ATAD2B: variants seen among roughly 807,000 people sequenced by gnomAD.
ATAD2B encodes the protein ATPase family AAA domain containing 2B.
Under a neutral mutation model 167.6 loss-of-function variants are expected in ATAD2B, and 40 were observed. That is an observed-to-expected ratio of 0.24 (90% CI 0.19 to 0.31). The LOEUF (loss-of-function observed/expected upper bound fraction) is 0.31, where lower values mean the gene tolerates loss of function less well. Among genes scored for constraint, ATAD2B ranks in the 10% least tolerant of loss-of-function variants. The probability of loss-of-function intolerance (pLI) is 1.00; values close to 1 mark genes in which losing one functional copy is unlikely to be tolerated. For missense variants in ATAD2B, 1,242 were observed against 1,757.2 expected, an observed-to-expected ratio of 0.71 and a Z score of 5.24; for synonymous variants, 579 against 596.5, an observed-to-expected ratio of 0.97 and a Z score of 0.43.
intron 17 of ATAD2B, among the ~76,000 whole-genome samples, chr2:23,818,849 G>A (rs979967135): frequency 2.0e-5 from 3 of 152,144 alleles, no homozygotes; most frequent in African/African-American, 7.2e-5. Flanking sequence ...CACTAAAAGT[G>A]TTTACCTATT....
intron 17 of ATAD2B, chr2:23,811,386 C>G (rs1450843691): frequency 6.6e-6 from 1 of 152,262 alleles, no homozygotes; most frequent in East Asian, 1.9e-4. Flanking sequence ...TTGTTCCCCT[C>G]CAGAGGAAGC....
At chr2:23,695,697 T>C in the ATAD2B span, 1 of 1,551,562 alleles carries the variant, frequency 6.4e-7, no homozygotes, top group Middle Eastern at 1.7e-4. The surrounding 1 kb of genome is among the most constrained non-coding windows in gnomAD (Gnocchi z 7.6). Context: ...TGGTTGACAA[T>C]GAAGAGCTGA....
intron 18 of ATAD2B, among the ~76,000 whole-genome samples, chr2:23,807,127 C>A (rs1684517458): frequency 1.3e-5 from 2 of 152,266 alleles, no homozygotes; most frequent in South Asian, 4.2e-4. Flanking sequence ...GTGGTTCACT[C>A]CCAATGCAGA....
chr2:23,760,699 T>C (rs2432682), intron 24 of ATAD2B, among the ~76,000 whole-genome samples: 65,947 of 123,066 alleles, frequency 0.54, 17,857 homozygotes, highest in East Asian at 0.78. Context: ...TTTATATATA[T>C]ACACACACAC....
chr2:23,847,682 TAA>T (rs755280338), intron 13 of ATAD2B, among the ~76,000 whole-genome samples: 1 of 143,660 alleles, frequency 7.0e-6, no homozygotes. Flanking sequence ...GCTTTTGTTT[TAA>T]AAAAAAAAAA....
Position 23,926,973 on chromosome 2 carries a change from G to C in ATAD2B, c.-203C>G. 3.3e-6 allele frequency: 2 copies of C among 600,240 alleles called. No individual in the cohort carries two copies. The highest frequency in any genetic ancestry group is 4.5e-4 in the Middle Eastern group (1 of 2,212). The allele number at this position is 600,240 out of a possible 1,614,324, so 37.2% of individuals were successfully genotyped here. A position where few individuals can be genotyped will look rare whatever the true frequency, so the allele number is the denominator to read the frequency against. ...GTGAGCAGGCGGCGTGCGGGAAGCG[G>C]GGGCGGTGCTGCAGACCGGCAGCAC... is the stretch of plus-strand genomic sequence containing the variant. On this transcript the variant is annotated 5_prime_UTR_variant, in exon 1 of 28. Coordinates refer to ENST00000238789, the MANE Select transcript of ATAD2B (RefSeq NM_017552.4).
chr2:23,911,061 T>C (rs1036985101), intron 1 of ATAD2B, among the ~76,000 whole-genome samples: 1 of 149,484 alleles, frequency 6.7e-6, no homozygotes, highest in African/African-American at 2.5e-5. Context: ...ACCCCATCTC[T>C]ACTAAAAATA....
chr2:23,926,325 T>C, intron 1 of ATAD2B, among the ~76,000 whole-genome samples: 1 of 152,188 alleles, frequency 6.6e-6, no homozygotes, highest in East Asian at 1.9e-4. Flanking sequence ...CCCTCTCCCC[T>C]GGACTCAAGG....
intron 12 of ATAD2B, among the ~76,000 whole-genome samples, chr2:23,860,525 A>G (rs1694181858): frequency 6.6e-6 from 1 of 152,228 alleles, no homozygotes; most frequent in Admixed American, 6.5e-5. Flanking sequence ...TTTTTATCAT[A>G]TAATTTACTC....
chr2:23,709,195 C>T, the ATAD2B span, among the ~76,000 whole-genome samples: 1 of 152,138 alleles, frequency 6.6e-6, no homozygotes, highest in Non-Finnish European at 1.5e-5. Flanking sequence ...GCCTATGCCA[C>T]CACACCCGGC....
the ATAD2B span, among the ~76,000 whole-genome samples, chr2:23,699,594 G>T: frequency 6.6e-6 from 1 of 152,186 alleles, no homozygotes; most frequent in Non-Finnish European, 1.5e-5. Flanking sequence ...CCCCTGTCTT[G>T]TCTGGCACTC....
the ATAD2B span, among the ~76,000 whole-genome samples, chr2:23,721,697 C>T: frequency 3.9e-5 from 6 of 152,206 alleles, no homozygotes; most frequent in African/African-American, 2.4e-5. Context: ...TGCCCACATG[C>T]TAAGCCAGAG....
At chr2:23,716,722 A>T in the ATAD2B span, among the ~76,000 whole-genome samples, 3 of 152,178 alleles carry the variant, frequency 2.0e-5, no homozygotes, top group African/African-American at 7.2e-5. Flanking sequence ...CTGCAATCCT[A>T]ACTTAATTCA....
rs148068995 is a variant in ATAD2B at position 23,877,643 on chromosome 2, G to A, written c.902-1739C>T. ...TCCCAGCACTTTGGGAGGCTAAGGC[G>A]GGTGGATCACGAGAGGTCAGGAGTT... On this transcript the variant is annotated intron_variant, in intron 7 of 27. Coordinates refer to ENST00000238789, the MANE Select transcript of ATAD2B (RefSeq NM_017552.4). 8.0e-5 allele frequency among the ~76,000 whole-genome samples: 12 copies of A among 150,602 alleles called. No individual in the cohort carries two copies. In the East Asian group the frequency reaches 9.9e-4, roughly 12 times the overall value.
intron 8 of ATAD2B, chr2:23,872,332 G>A: frequency 1.7e-6 from 1 of 587,382 alleles, no homozygotes. Flanking sequence ...GCACCTGATG[G>A]TCTTCAAGTT....
At chr2:23,834,152 CTTTT>C (rs11378615) in intron 13 of ATAD2B, 74 bp from the exon 14 acceptor site, 440 of 119,374 alleles carry the variant, frequency 3.7e-3, no homozygotes, top group South Asian at 0.012. Context: ...ATCAGTCTTT[CTTTT>C]TTTTTTTTTT....
chr2:23,753,983 T>G (rs1186605544), intron 27 of ATAD2B, among the ~76,000 whole-genome samples, 196 bp downstream of exon 27: 3 of 152,206 alleles, frequency 2.0e-5, no homozygotes, highest in African/African-American at 7.2e-5. Context: ...ATTACTTCTT[T>G]CCAGAGACAA....
chr2:23,848,733 T>C (rs113623156), intron 13 of ATAD2B, among the ~76,000 whole-genome samples: 3 of 151,926 alleles, frequency 2.0e-5, no homozygotes, highest in African/African-American at 7.3e-5. Context: ...GGTGGAACAA[T>C]AGGAAAAGGG....
intron 22 of ATAD2B, among the ~76,000 whole-genome samples, chr2:23,782,263 G>C (rs115346295): frequency 5.3e-5 from 8 of 152,246 alleles, no homozygotes; most frequent in South Asian, 4.1e-4. Context: ...ATCACTTAAC[G>C]CAAGTCCAAA....
Sources: allele counts gnomAD v4.1 joint callset (sites outside exome capture counted in the v4.1 genomes callset), GRCh38; gene constraint gnomAD v4.1.1; non-coding constraint Gnocchi (gnomAD v3.1); transcripts MANE v1.5; gene names NCBI Gene and HGNC (gene_info 2026-07-23, HGNC 2026-07-21).